Variants in WDR59 observed in about 807,000 individuals in gnomAD.
WDR59 encodes the protein GATOR2 complex protein WDR59.
A neutral mutation model predicts 131.2 loss-of-function variants in WDR59; 100 were observed. The observed-to-expected ratio is 0.76, with a 90% confidence interval of 0.65 to 0.90. The LOEUF is 0.90. WDR59 is among the 40% of genes least tolerant of loss of function. WDR59 has a pLI of 0.00. For missense variants in WDR59, 1,203 were observed against 1,262.2 expected (o/e 0.95, Z 0.71); for synonymous variants, 601 against 466.2 (o/e 1.29, Z -3.72).
At chr16:74,972,345 C>T (rs966398565) in intron 1 of WDR59, among the ~76,000 whole-genome samples, 3 of 152,038 alleles carry the variant, frequency 2.0e-5, no homozygotes, top group Admixed American at 6.6e-5. Context: ...CTGCTGTCCT[C>T]GTTTAAAAAA....
At chr16:74,912,389 G>A in intron 13 of WDR59, 27 bp from the exon 14 acceptor site, 3 of 1,600,186 alleles carry the variant, frequency 1.9e-6, no homozygotes, top group Non-Finnish European at 2.6e-6. Flanking sequence ...CACAATTGCT[G>A]TAGAAACAAA....
At chr16:74,924,930 A>C (rs1051642714) in intron 8 of WDR59, among the ~76,000 whole-genome samples, 3 of 152,080 alleles carry the variant, frequency 2.0e-5, no homozygotes, top group African/African-American at 7.2e-5. Context: ...CACTTTGGCA[A>C]TTTCCTATAA....
At chr16:74,899,848 C>T in intron 18 of WDR59, 1 of 923,268 alleles carries the variant, frequency 1.1e-6, no homozygotes, top group Non-Finnish European at 1.5e-6. Context: ...GCTTCCCACA[C>T]ATCCGATGGA....
chr16:74,962,296 T>C (rs1016807435), intron 2 of WDR59, among the ~76,000 whole-genome samples: 6 of 152,108 alleles, frequency 3.9e-5, no homozygotes, highest in African/African-American at 1.4e-4. Context: ...CCGTATGAAT[T>C]TCATAGTTTT....
rs146431156 is a variant in WDR59 at position 74,939,964 on chromosome 16, G to T, written c.535-1698C>A. Among the ~76,000 whole-genome samples, 817 of 152,272 alleles carry T rather than the reference G, an allele frequency of 5.4e-3. 8 individuals carry two copies. Among genetic ancestry groups the T allele is most frequent in the African/African-American group, 0.018 (768 of 41,556 alleles). ...TGTGCAACTGCACTCCAACCTGGGA[G>T]ACAGAGGGAGACTGTCTCAAAAACA... On this transcript the variant is annotated intron_variant, in intron 7 of 25. Coordinates refer to ENST00000262144, the MANE Select transcript of WDR59 (RefSeq NM_030581.4).
intron 2 of WDR59, among the ~76,000 whole-genome samples, chr16:74,958,648 A>T (rs142393116): frequency 1.4e-5 from 2 of 147,884 alleles, no homozygotes. Context: ...AAGTACATGG[A>T]GAGAGAAATG....
At chr16:74,945,302 C>G (rs1390119273) in intron 6 of WDR59, among the ~76,000 whole-genome samples, 1 of 151,462 alleles carries the variant, frequency 6.6e-6, no homozygotes, top group Non-Finnish European at 1.5e-5. Flanking sequence ...CAGTGAAACC[C>G]TGTCTCTACT....
chr16:74,901,890 G>A (rs1437533760), intron 18 of WDR59, among the ~76,000 whole-genome samples: 1 of 152,076 alleles, frequency 6.6e-6, no homozygotes, highest in Non-Finnish European at 1.5e-5. Flanking sequence ...CTACATAAAC[G>A]GGATGGATGT....
At chr16:74,953,105 C>A (rs2033096273) in intron 3 of WDR59, among the ~76,000 whole-genome samples, 2 of 152,054 alleles carry the variant, frequency 1.3e-5, no homozygotes, top group African/African-American at 4.8e-5. Flanking sequence ...AATTGTGGGG[C>A]CTCTCAAGAT....
Position 74,915,853 on chromosome 16 carries a change from T to G in WDR59, c.1224+17A>C. On this transcript the variant is annotated intron_variant, in intron 13 of 25. Coordinates refer to ENST00000262144, the MANE Select transcript of WDR59 (RefSeq NM_030581.4). ...TGCCATCAGCAAACATGAGATACAG[T>G]TGATTAAACTAAGTACCTCCACATT... 6.2e-7 allele frequency: 1 copy of G among 1,614,176 alleles called. No homozygotes were observed. Among genetic ancestry groups the G allele is most frequent in the Non-Finnish European group, 8.5e-7 (1 of 1,180,006 alleles).
intron 17 of WDR59, among the ~76,000 whole-genome samples, chr16:74,907,418 T>C (rs375850171): frequency 6.6e-6 from 1 of 152,176 alleles, no homozygotes; most frequent in Non-Finnish European, 1.5e-5. Flanking sequence ...TGAGATTTGA[T>C]GGTTTTATAA....
intron 2 of WDR59, among the ~76,000 whole-genome samples, chr16:74,957,428 C>T (rs2033349757): frequency 6.6e-6 from 1 of 152,124 alleles, no homozygotes; most frequent in South Asian, 2.1e-4. Context: ...CAGTGCTCTG[C>T]ACTCAACAAA....
At chr16:74,938,540 C>A (rs1451334556) in intron 7 of WDR59, among the ~76,000 whole-genome samples, 4 of 152,002 alleles carry the variant, frequency 2.6e-5, no homozygotes, top group African/African-American at 9.7e-5. Flanking sequence ...CTTTTCACCC[C>A]CTTTTTTGTT....
At chr16:74,968,820 A>C (rs1050631067) in intron 1 of WDR59, among the ~76,000 whole-genome samples, 5 of 152,160 alleles carry the variant, frequency 3.3e-5, no homozygotes, top group African/African-American at 1.2e-4. Context: ...CTACCACCAC[A>C]ACACCACCTA....
At chr16:74,927,913 T>G (rs1213573194) in intron 8 of WDR59, among the ~76,000 whole-genome samples, 1 of 143,662 alleles carries the variant, frequency 7.0e-6, no homozygotes, top group African/African-American at 2.7e-5. Flanking sequence ...TCTTTCTTTT[T>G]TTTTTTTTTT....
intron 17 of WDR59, among the ~76,000 whole-genome samples, chr16:74,907,600 T>C (rs1452572727): frequency 6.6e-6 from 1 of 152,240 alleles, no homozygotes; most frequent in African/African-American, 2.4e-5. Flanking sequence ...GGGCAATTCT[T>C]GCAGTGTGAG....
chr16:74,896,878 G>C (rs1047333367), intron 18 of WDR59, among the ~76,000 whole-genome samples: 1 of 152,112 alleles, frequency 6.6e-6, no homozygotes, highest in African/African-American at 2.4e-5. Flanking sequence ...TCTGTGATGA[G>C]GGATACTACT....
Position 74,893,734 on chromosome 16 carries a change from T to C in WDR59, c.1945A>G (p.Ile649Val), listed in dbSNP as rs1329234481. 2 of 1,614,032 alleles carry C rather than the reference T, an allele frequency of 1.2e-6. No individual in the cohort carries two copies. Among genetic ancestry groups the C allele is most frequent in the African/African-American group, 2.7e-5 (2 of 74,900 alleles). ...GGCAGGAGGCAAGCAATATCCTGGA[T>C]GATGACTTTCCCAGCAGCCTTGATC... Reference protein sequence around the residue: ...RQIKAAGKVIIQDIACLLPVH... With the variant: ...RQIKAAGKVIVQDIACLLPVH... Residue 649 changes from isoleucine (I) to valine (V), a missense_variant, in exon 19 of 26, where the codon ATC becomes GTC. Ile to Val is a conservative substitution (Grantham distance 29). Transcript: ENST00000262144.
intron 2 of WDR59, among the ~76,000 whole-genome samples, chr16:74,958,738 A>T (rs1176290902): frequency 6.6e-6 from 1 of 151,994 alleles, no homozygotes; most frequent in Non-Finnish European, 1.5e-5. Context: ...GAAGACAACA[A>T]GCAGAACAAA....
Sources: gnomAD v4.1 joint callset for allele counts (sites outside exome capture counted in the v4.1 genomes callset) on GRCh38, gnomAD v4.1.1 for gene constraint, MANE v1.5 for transcripts, NCBI Gene and HGNC (gene_info 2026-07-23, HGNC 2026-07-21) for gene names.